Variants in FGF13 observed in about 807,000 individuals in gnomAD.
FGF13 encodes the protein fibroblast growth factor homologous factor 2.
Under a neutral mutation model 19.5 loss-of-function variants are expected in FGF13, and 2 were observed. The observed-to-expected ratio is 0.10, with a 90% CI of 0.04 to 0.32. The LOEUF (loss-of-function observed/expected upper bound fraction) is 0.32, where lower values mean the gene tolerates loss of function less well. FGF13 is among the 10% of genes least tolerant of loss of function. The pLI is 1.00. For missense variants in FGF13, 113 were observed against 192.7 expected (o/e 0.59, Z 2.45); for synonymous variants, 72 against 76.9 (o/e 0.94, Z 0.33).
chrX:138,991,875 T>G (rs1393916419), intron 1 of FGF13, among the ~76,000 whole-genome samples: 1 of 111,802 alleles, frequency 8.9e-6, no homozygotes, highest in African/African-American at 3.2e-5. Context: ...CTGTGCTAGA[T>G]AGTTGAAAAA....
intron 3 of FGF13, among the ~76,000 whole-genome samples, chrX:138,802,138 G>GAAAACA (rs764201609): frequency 1.3e-4 from 15 of 111,666 alleles, no homozygotes; most frequent in East Asian, 5.7e-4. Flanking sequence ...ACTGGGGTAT[G>GAAAACA]AAAACAAAAA....
chrX:138,749,337 AC>A (rs2090380140), intron 3 of FGF13, among the ~76,000 whole-genome samples: 1 of 105,384 alleles, frequency 9.5e-6, no homozygotes, highest in Non-Finnish European at 2.0e-5. Flanking sequence ...ACACACACAC[AC>A]ACACACACAC....
At chrX:138,664,771 A>G (rs149134322) in intron 3 of FGF13, among the ~76,000 whole-genome samples, 1,868 of 110,868 alleles carry the variant, frequency 0.017, 31 homozygotes, top group African/African-American at 0.057. Flanking sequence ...AAAGATAGAG[A>G]TGGAAAATCT....
intron 1 of FGF13, among the ~76,000 whole-genome samples, chrX:138,719,310 G>C (rs771508741): frequency 8.9e-6 from 1 of 111,855 alleles, no homozygotes; most frequent in Non-Finnish European, 1.9e-5. Flanking sequence ...TCTATGCCTA[G>C]TTATAAGCAC....
At chrX:138,890,569 G>T in intron 1 of FGF13, among the ~76,000 whole-genome samples, 1 of 111,730 alleles carries the variant, frequency 9.0e-6, no homozygotes, top group African/African-American at 3.2e-5. Flanking sequence ...TGTGAGGAAG[G>T]TACTATTATT....
chrX:139,180,706 T>C (rs1275529663), intron 1 of FGF13, among the ~76,000 whole-genome samples: 1 of 111,398 alleles, frequency 9.0e-6, no homozygotes, highest in Non-Finnish European at 1.9e-5. Context: ...ATTTAACTGG[T>C]GACTGTGTGT....
chrX:138,729,395 C>T (rs1369212820), intron 1 of FGF13, among the ~76,000 whole-genome samples: 1 of 110,565 alleles, frequency 9.0e-6, no homozygotes, highest in East Asian at 2.9e-4. Context: ...TTTTTAAGAG[C>T]TAATCAGTTG....
chrX:139,193,837 C>T (rs941908581), intron 1 of FGF13, among the ~76,000 whole-genome samples: 2 of 110,579 alleles, frequency 1.8e-5, no homozygotes, highest in Admixed American at 9.6e-5. Flanking sequence ...GCCAACCACC[C>T]AGAGATTCCT....
intron 1 of FGF13, among the ~76,000 whole-genome samples, chrX:138,930,171 G>GA (rs2091695075): frequency 9.0e-6 from 1 of 111,127 alleles, no homozygotes. Flanking sequence ...CCTCAAGTCT[G>GA]AAAAAAATAT....
rs1331483275 is a variant in FGF13, at chrX:138,625,683, T to C, written c.*7167A>G. ...TTTGTATAAAAAGAATCTTAAAAAG[T>C]TGAACTAATGGAAACAGAGAGTTGA... is the stretch of plus-strand genomic sequence containing the variant. On this transcript the variant is annotated 3_prime_UTR_variant, in exon 5 of 5. Coordinates refer to ENST00000315930, the MANE Select transcript of FGF13 (RefSeq NM_004114.5). 3 of 107,296 alleles carry C rather than the reference T, an allele frequency of 2.8e-5. No homozygotes were observed. The East Asian group carries it at 8.8e-4, about 31-fold the overall frequency. The allele number at this position is 107,296 out of a possible 1,213,427, so 8.8% of individuals were successfully genotyped here. A position where few individuals can be genotyped will look rare whatever the true frequency, so the allele number is the denominator to read the frequency against.
At position 138,615,884 on chromosome X, in the gene FGF13, T is replaced by A. The variant is rs2088963923; in HGVS notation, c.*16966A>T. On this transcript the variant is annotated 3_prime_UTR_variant, in exon 5 of 5. Coordinates refer to ENST00000315930, the MANE Select transcript of FGF13 (RefSeq NM_004114.5). ...AGAGAATGAGTGCCAGCAGGGGAAA[T>A]GCCAGATGCTTATAAAACCATTGGA... The A allele has an allele frequency of 9.0e-6, 1 of 111,281 alleles. No homozygotes were observed. Among genetic ancestry groups the A allele is most frequent in the African/African-American group, 3.3e-5 (1 of 30,441 alleles). The allele number at this position is 111,281 out of a possible 1,213,427, so 9.2% of individuals were successfully genotyped here.
At chrX:138,852,707 G>T (rs113255474), downstream of FGF13, among the ~76,000 whole-genome samples, 1 of 111,671 alleles carries the variant, frequency 9.0e-6, no homozygotes, top group Non-Finnish European at 1.9e-5. Context: ...TGACAAATGG[G>T]ATTTAATTAA....
At chrX:138,735,613 C>T (rs2090268468) in intron 1 of FGF13, among the ~76,000 whole-genome samples, 1 of 111,836 alleles carries the variant, frequency 8.9e-6, no homozygotes, top group Non-Finnish European at 1.9e-5. Flanking sequence ...AATGTCATAT[C>T]AGATAAAGCT....
At chrX:138,952,774 AACAG>A (rs2091820320) in intron 1 of FGF13, among the ~76,000 whole-genome samples, 1 of 111,799 alleles carries the variant, frequency 8.9e-6, no homozygotes, top group Non-Finnish European at 1.9e-5. Context: ...GAAGGATATG[AACAG>A]ACACTTCTCA....
At chrX:139,085,682 C>T (rs1481584710) in intron 1 of FGF13, among the ~76,000 whole-genome samples, 1 of 111,729 alleles carries the variant, frequency 9.0e-6, no homozygotes, top group Non-Finnish European at 1.9e-5. Flanking sequence ...TAGGTGCAAG[C>T]TGTAGCATCA....
At chrX:139,045,447 C>A (rs2092284291) in intron 1 of FGF13, among the ~76,000 whole-genome samples, 1 of 112,501 alleles carries the variant, frequency 8.9e-6, no homozygotes, top group Non-Finnish European at 1.9e-5. Context: ...TAGCAAGTGG[C>A]CTGCTAGAAT....
At chrX:138,758,555 G>A (rs999294066) in intron 3 of FGF13, among the ~76,000 whole-genome samples, 2 of 111,100 alleles carry the variant, frequency 1.8e-5, no homozygotes, top group African/African-American at 6.6e-5. Context: ...CCACTAGCTA[G>A]TGGTTGAGAT....
chrX:138,706,512 A>G (rs1444977986), intron 2 of FGF13, among the ~76,000 whole-genome samples: 5 of 112,334 alleles, frequency 4.5e-5, no homozygotes, highest in Non-Finnish European at 9.4e-5. Flanking sequence ...ATCAAATTAA[A>G]CTAAATGAGA....
intron 3 of FGF13, among the ~76,000 whole-genome samples, chrX:138,667,107 CTATATCA>C (rs1447626168): frequency 9.4e-6 from 1 of 106,125 alleles, no homozygotes; most frequent in Non-Finnish European, 1.9e-5. Context: ...ATATATTATG[CTATATCA>C]TATATTAGGT....
Sources: gnomAD v4.1 joint callset for allele counts (sites outside exome capture counted in the v4.1 genomes callset) on GRCh38, gnomAD v4.1.1 for gene constraint, MANE v1.5 for transcripts, NCBI Gene and HGNC (gene_info 2026-07-23, HGNC 2026-07-21) for gene names.